The following ZNF32 variants were observed in gnomAD, a reference collection of about 807,000 sequenced individuals.
The protein encoded by ZNF32 is zinc finger protein 32.
In ZNF32, 13 loss-of-function variants were observed where a neutral mutation model predicts 24.4. The observed-to-expected ratio is 0.53, with a 90% confidence interval of 0.35 to 0.85. ZNF32 has a LOEUF of 0.85. Ranked by LOEUF, ZNF32 falls within the 40% of genes least tolerant of loss-of-function variation. The pLI is 0.01. For synonymous variants in ZNF32, 115 were observed against 117.4 expected, an observed-to-expected ratio of 0.98 and a Z score of 0.13; for missense variants, 239 against 325.3, an observed-to-expected ratio of 0.73 and a Z score of 2.04.
In ZNF32 at chr10:43,643,985, G is replaced by A; in HGVS notation, c.*65C>T. The A allele has an allele frequency of 2.0e-6, 3 of 1,501,092 alleles. No homozygotes were observed. Among genetic ancestry groups the A allele is most frequent in the Non-Finnish European group, 2.7e-6 (3 of 1,122,108 alleles). 93.0% of individuals were successfully genotyped at this position (1,501,092 alleles called of 1,614,324 possible). A position where few individuals can be genotyped will look rare whatever the true frequency, so the allele number is the denominator to read the frequency against. On this transcript the variant is annotated 3_prime_UTR_variant, in exon 3 of 3. Transcript: ENST00000374433. ...CCATTCATTCCATAGAACTGGATAG[G>A]TTGCTTCATCTCAGAGGATTTTGTA...
chr10:43,643,967 T>C lies in ZNF32; in HGVS notation c.*83A>G. 1 of 1,420,094 alleles carries C rather than the reference T, an allele frequency of 7.0e-7. No homozygotes were observed. Among genetic ancestry groups the C allele is most frequent in the Non-Finnish European group, 9.4e-7 (1 of 1,068,080 alleles). 88.0% of individuals were successfully genotyped at this position (1,420,094 alleles called of 1,614,324 possible). A position where few individuals can be genotyped will look rare whatever the true frequency, so the allele number is the denominator to read the frequency against. ...GTCTTTCTGAAAGATTCTCCATTCA[T>C]TCCATAGAACTGGATAGGTTGCTTC... On this transcript the variant is annotated 3_prime_UTR_variant, in exon 3 of 3. Coordinates refer to ENST00000374433, the MANE Select transcript of ZNF32 (RefSeq NM_006973.3).
At chr10:43,646,265 A>G (rs1162750617) in intron 1 of ZNF32, 63 bp from the exon 2 acceptor site, 26 of 994,046 alleles carry the variant, frequency 2.6e-5, no homozygotes, top group Admixed American at 8.2e-5. Flanking sequence ...TGTGAGAAGG[A>G]AAAAGTCAAC....
At chr10:43,648,255 T>C (rs905360092) in intron 1 of ZNF32, among the ~76,000 whole-genome samples, 4 of 152,108 alleles carry the variant, frequency 2.6e-5, no homozygotes. Context: ...AAATCCGGCG[T>C]CCTCTGGAGG....
intron 1 of ZNF32, 133 bp downstream of exon 1, chr10:43,648,669 G>A (rs1336946853): frequency 1.3e-5 from 2 of 152,232 alleles, no homozygotes; most frequent in South Asian, 2.1e-4. Context: ...CTCGGGGCCC[G>A]GGCCGGCCAG....
Position 43,644,214 on chromosome 10 carries a change from T to C in ZNF32, c.658A>G (p.Thr220Ala), listed in dbSNP as rs1311246762. 1.2e-6 allele frequency: 2 copies of C among 1,614,244 alleles called. No homozygotes were observed. Among genetic ancestry groups the C allele is most frequent in the East Asian group, 4.5e-5 (2 of 44,880 alleles). Reference protein sequence around the residue: ...VHTGLKPYACTQCRKSFHTRG... With the variant: ...VHTGLKPYACAQCRKSFHTRG... ...GTGTGGAAACTCTTCCTGCACTGGG[T>C]ACAGGCATAGGGCTTCAGGCCTGTG... is the stretch of plus-strand genomic sequence containing the variant. Residue 220 changes from threonine to alanine, a missense_variant, in exon 3 of 3, where the codon ACC (threonine) becomes GCC (alanine). Physicochemically the swap from Thr to Ala is moderately conservative, Grantham distance 58 (BLOSUM62 0). Transcript: ENST00000374433. This position sits in a 1 kb window ranked among gnomAD's most constrained non-coding sequence, Gnocchi z 5.3.
At chr10:43,647,595 A>C (rs895185903) in intron 1 of ZNF32, 1 of 152,204 alleles carries the variant, frequency 6.6e-6, no homozygotes, top group Admixed American at 6.5e-5. Flanking sequence ...ACAACTGCAC[A>C]TTCTGCTACA....
In ZNF32 at chr10:43,644,741, C is replaced by A; in HGVS notation, c.131G>T (p.Trp44Leu). The A allele has an allele frequency of 6.2e-7, 1 of 1,613,742 alleles. No individual in the cohort carries two copies. The highest frequency in any genetic ancestry group is 8.5e-7 in the Non-Finnish European group (1 of 1,179,862). ...DHSEATGSSSWDIQNSFRREK... is the reference protein window; with the variant it reads ...DHSEATGSSSLDIQNSFRREK... ...TCTTCTGAAAGAATTTTGGATATCC[C>A]AGCTTGAGGATCCTGTAGCCTCAGA... Residue 44 changes from tryptophan (W) to leucine (L), a missense_variant, in exon 3 of 3, where the codon TGG (tryptophan) becomes TTG (leucine). Transcript: ENST00000374433. This position sits in a 1 kb window ranked among gnomAD's most constrained non-coding sequence, Gnocchi z 5.3.
Position 43,646,167 on chromosome 10 carries a change from C to A in ZNF32, c.-34G>T. 1 of 1,612,856 alleles carries A rather than the reference C, an allele frequency of 6.2e-7. No individual in the cohort carries two copies. Among genetic ancestry groups the A allele is most frequent in the Non-Finnish European group, 8.5e-7 (1 of 1,179,316 alleles). ...CTGCTTACGACCTCAGTCACCACCT[C>A]TTCATATGATTCTTCCATGGGCTGT... On this transcript the variant is annotated 5_prime_UTR_variant, in exon 2 of 3. It introduces an in-frame stop codon into an upstream open reading frame of the 5' UTR. Coordinates refer to ENST00000374433, the MANE Select transcript of ZNF32 (RefSeq NM_006973.3).
intron 1 of ZNF32, chr10:43,647,190 C>T (rs1839330948): frequency 6.6e-6 from 1 of 152,104 alleles, no homozygotes. Flanking sequence ...CTTCAGCCTC[C>T]CAAATAACTA....
intron 2 of ZNF32, among the ~76,000 whole-genome samples, chr10:43,645,452 C>T (rs115059734): frequency 1.3e-3 from 193 of 152,330 alleles, no homozygotes; most frequent in African/African-American, 4.4e-3. Context: ...ATCCCTGCAA[C>T]CCTACAAGAT....
At position 43,646,053 on chromosome 10, in the gene ZNF32, G is replaced by T; in HGVS notation, c.70+11C>A. 1 of 1,614,024 alleles carries T rather than the reference G, an allele frequency of 6.2e-7. No homozygotes were observed. Among genetic ancestry groups the T allele is most frequent in the South Asian group, 1.1e-5 (1 of 91,038 alleles). On this transcript the variant is annotated intron_variant, in intron 2 of 2. Transcript: ENST00000374433. The stretch of plus-strand genomic sequence containing the variant: ...AGCTGAGCGCATCCAGCCATCAACT[G>T]ACTCACTCACTGAAGAACGCTACAT...
intron 1 of ZNF32, 108 bp from the exon 2 acceptor site, chr10:43,646,310 G>T: frequency 1.4e-6 from 1 of 692,094 alleles, no homozygotes; most frequent in Admixed American, 3.1e-5. Flanking sequence ...AAGAAACCTA[G>T]ATTGTTTGAC....
intron 2 of ZNF32, 138 bp downstream of exon 2, chr10:43,645,922 GGCTT>G: frequency 7.0e-7 from 1 of 1,436,248 alleles, no homozygotes; most frequent in South Asian, 1.5e-5. Context: ...CCAGCTCACA[GGCTT>G]TTCTTATAAC....
chr10:43,645,543 T>C (rs1839258620), intron 2 of ZNF32, among the ~76,000 whole-genome samples: 1 of 152,262 alleles, frequency 6.6e-6, no homozygotes. Flanking sequence ...GATCTAGCCA[T>C]GGCAATTATA....
chr10:43,646,278 T>G, intron 1 of ZNF32, 76 bp from the exon 2 acceptor site: 1 of 857,010 alleles, frequency 1.2e-6, no homozygotes, highest in South Asian at 1.8e-5. Flanking sequence ...AAGTCAACAG[T>G]TGTTGAGACA....
chr10:43,646,164 C>A lies in ZNF32; in HGVS notation c.-31G>T, dbSNP rs1839279869. ...CTCCTGCTTACGACCTCAGTCACCA[C>A]CTCTTCATATGATTCTTCCATGGGC... is the stretch of plus-strand genomic sequence containing the variant. On this transcript the variant is annotated 5_prime_UTR_variant, in exon 2 of 3. Transcript: ENST00000374433. 6.2e-7 allele frequency: 1 copy of A among 1,612,920 alleles called. No homozygotes were observed. Among genetic ancestry groups the A allele is most frequent in the African/African-American group, 1.3e-5 (1 of 74,882 alleles).
At chr10:43,646,018 A>C (rs1469297965) in intron 2 of ZNF32, 46 bp downstream of exon 2, 2 of 1,612,128 alleles carry the variant, frequency 1.2e-6, no homozygotes, top group Non-Finnish European at 1.7e-6. Flanking sequence ...AGGGACACTG[A>C]ATATCTGTGA....
In ZNF32 at chr10:43,644,694, G is replaced by C. The variant is rs750316417; in HGVS notation, c.178C>G (p.Pro60Ala). ...TCTTCCTGTAGTGTCTTCGAATCTG[G>C]GGATTTTTGTTCCAGCTTCTCTCTT... ...FRREKLEQKSPDSKTLQEDSP... is the reference protein window; with the variant it reads ...FRREKLEQKSADSKTLQEDSP... Residue 60 changes from proline to alanine, a missense_variant, in exon 3 of 3, where the codon CCA (proline) becomes GCA (alanine). Transcript: ENST00000374433. This position sits in a 1 kb window ranked among gnomAD's most constrained non-coding sequence, Gnocchi z 5.3. 2 of 1,614,046 alleles carry C rather than the reference G, an allele frequency of 1.2e-6. No homozygotes were observed. The highest frequency in any genetic ancestry group is 1.7e-5 in the Admixed American group (1 of 60,000).
chr10:43,645,936 C>A, intron 2 of ZNF32, 128 bp downstream of exon 2: 1 of 1,485,258 alleles, frequency 6.7e-7, no homozygotes, highest in Non-Finnish European at 8.9e-7. Flanking sequence ...TTTCTTATAA[C>A]CCTAGGAACA....
Sources: gnomAD v4.1 joint callset for allele counts (sites outside exome capture counted in the v4.1 genomes callset) on GRCh38, gnomAD v4.1.1 for gene constraint, Gnocchi (gnomAD v3.1) non-coding constraint, MANE v1.5 for transcripts, NCBI Gene and HGNC (gene_info 2026-07-23, HGNC 2026-07-21) for gene names.